Variants in JMJD1C observed in about 807,000 individuals in gnomAD.
The protein encoded by JMJD1C is jumonji domain containing 1C.
A neutral mutation model predicts 245.3 loss-of-function variants in JMJD1C; 31 were observed. The ratio of observed to expected loss-of-function variants is 0.13; its 90% CI spans 0.09 to 0.17. The LOEUF is 0.17. JMJD1C is among the 10% of genes least tolerant of loss of function. The pLI, the probability that JMJD1C is intolerant of heterozygous loss-of-function variation, is 1.00. For missense variants in JMJD1C, 2,691 were observed against 3,000.2 expected (o/e 0.90, Z 2.41); for synonymous variants, 1,057 against 1,017.4 (o/e 1.04, Z -0.74).
chr10:63,443,467 C>T (rs761470289), intron 1 of JMJD1C, among the ~76,000 whole-genome samples: 3 of 152,076 alleles, frequency 2.0e-5, no homozygotes, highest in Non-Finnish European at 2.9e-5. Context: ...TGAGCCACCG[C>T]ACCCCGCTAA....
intron 5 of JMJD1C, among the ~76,000 whole-genome samples, chr10:63,216,334 AAAC>A (rs1389969662): frequency 6.6e-6 from 1 of 152,176 alleles, no homozygotes; most frequent in Non-Finnish European, 1.5e-5. Context: ...TTTTCTACAT[AAAC>A]AACAGCTTTA....
chr10:63,186,342 G>A lies in JMJD1C; in HGVS notation c.6612C>T (p.Ser2204=). 1 of 1,613,240 alleles carries A rather than the reference G, an allele frequency of 6.2e-7. No homozygotes were observed. Among genetic ancestry groups the A allele is most frequent in the Non-Finnish European group, 8.5e-7 (1 of 1,179,614 alleles). Residue 2204 remains serine, a synonymous_variant, in exon 19 of 26, where the codon AGC becomes AGT. Coordinates refer to ENST00000399262, the MANE Select transcript of JMJD1C (RefSeq NM_032776.3). ...VSGVHKKMNI[S]LWKAESISLD... ...GACTAATTGATTCCGCCTTCCATAG[G>A]CTAATGTTCATTTTCTTATGCACAC...
chr10:63,397,211 T>C (rs969431302), intron 1 of JMJD1C, among the ~76,000 whole-genome samples: 45 of 152,026 alleles, frequency 3.0e-4, no homozygotes, highest in Non-Finnish European at 5.1e-4. Flanking sequence ...AACTGATCTT[T>C]ATTTTATTTT....
At chr10:63,205,095 T>G in intron 10 of JMJD1C, 4 of 812,692 alleles carry the variant, frequency 4.9e-6, no homozygotes, top group Non-Finnish European at 5.9e-6. Context: ...AGAAACACTT[T>G]ATAGTGAATA....
At chr10:63,388,280 G>A (rs77031719) in intron 1 of JMJD1C, among the ~76,000 whole-genome samples, 5,617 of 151,530 alleles carry the variant, frequency 0.037, 334 homozygotes, top group East Asian at 0.29. Context: ...TCAGACTAAC[G>A]GCAGTTTCTC....
chr10:63,323,507 A>C (rs1258840835), intron 2 of JMJD1C, among the ~76,000 whole-genome samples: 1 of 152,198 alleles, frequency 6.6e-6, no homozygotes, highest in African/African-American at 2.4e-5. Flanking sequence ...GTGACAGAGC[A>C]AGACTGTTTC....
rs1842058358 is a variant in JMJD1C, at chr10:63,168,583, A to C, written c.7402-17T>G. 1 of 1,554,448 alleles carries C rather than the reference A, an allele frequency of 6.4e-7. No individual in the cohort carries two copies. ...ATTCTGAACCTATCCCCAAAAGAAA[A>C]ACCGTGAAATACAAGTTTTAGGAGG... On this transcript the variant is annotated splice_polypyrimidine_tract_variant and intron_variant, in intron 24 of 25. Transcript: ENST00000399262.
At chr10:63,268,824 C>T in intron 2 of JMJD1C, 1 of 985,732 alleles carries the variant, frequency 1.0e-6, no homozygotes, top group Non-Finnish European at 1.2e-6. Flanking sequence ...GCTCTCAAAC[C>T]AAGCATTTCT....
At chr10:63,482,651 A>AAG (rs3083162) in intron 1 of JMJD1C, among the ~76,000 whole-genome samples, 5,563 of 151,822 alleles carry the variant, frequency 0.037, 323 homozygotes, top group East Asian at 0.28. Flanking sequence ...AAAGAAAAAA[A>AAG]AGAGAGAGAG....
At chr10:63,241,630 A>G (rs1049091907) in intron 3 of JMJD1C, among the ~76,000 whole-genome samples, 2 of 152,028 alleles carry the variant, frequency 1.3e-5, no homozygotes, top group Non-Finnish European at 2.9e-5. Flanking sequence ...ATAGTATGTT[A>G]TTTTTTCAAT....
chr10:63,400,256 C>CT (rs562309675), intron 1 of JMJD1C, among the ~76,000 whole-genome samples: 62 of 152,258 alleles, frequency 4.1e-4, no homozygotes, highest in African/African-American at 1.5e-3. Context: ...GCCATTCTAT[C>CT]TTTAAGGCAT....
intron 1 of JMJD1C, among the ~76,000 whole-genome samples, chr10:63,444,424 C>T (rs539589060): frequency 1.3e-5 from 2 of 152,006 alleles, no homozygotes; most frequent in Admixed American, 1.3e-4. Context: ...CAGGCGCATG[C>T]CACCACACCC....
At chr10:63,325,224 T>C (rs1330083865) in intron 2 of JMJD1C, among the ~76,000 whole-genome samples, 1 of 152,312 alleles carries the variant, frequency 6.6e-6, no homozygotes, top group African/African-American at 2.4e-5. Flanking sequence ...ATACAAACTT[T>C]TCCTTAGGAA....
intron 2 of JMJD1C, among the ~76,000 whole-genome samples, chr10:63,342,153 T>C (rs1418743843): frequency 2.0e-5 from 3 of 152,248 alleles, no homozygotes; most frequent in Non-Finnish European, 4.4e-5. Flanking sequence ...ACACTGATAA[T>C]GATATTCCAA....
At chr10:63,398,078 G>C (rs916631968) in intron 1 of JMJD1C, among the ~76,000 whole-genome samples, 2 of 152,130 alleles carry the variant, frequency 1.3e-5, no homozygotes, top group Non-Finnish European at 2.9e-5. Context: ...GGCAAACCTT[G>C]TGTTAACTGA....
intron 1 of JMJD1C, among the ~76,000 whole-genome samples, chr10:63,476,201 T>C (rs1479153965): frequency 6.7e-6 from 1 of 148,480 alleles, no homozygotes; most frequent in Non-Finnish European, 1.5e-5. Flanking sequence ...CAGAATGAGA[T>C]TTTGTCTAAA....
intron 1 of JMJD1C, among the ~76,000 whole-genome samples, chr10:63,381,763 T>C (rs1389688844): frequency 6.6e-6 from 1 of 152,172 alleles, no homozygotes; most frequent in Non-Finnish European, 1.5e-5. Context: ...ATTATACCCC[T>C]TAGTTATGAC....
intron 2 of JMJD1C, chr10:63,269,124 G>GCCAT: frequency 5.1e-6 from 5 of 985,406 alleles, no homozygotes; most frequent in Non-Finnish European, 6.0e-6. Context: ...AAAGAGAACA[G>GCCAT]CCATCCATCA....
chr10:63,337,252 G>C (rs1214075466), intron 2 of JMJD1C, among the ~76,000 whole-genome samples: 1 of 150,830 alleles, frequency 6.6e-6, no homozygotes, highest in Non-Finnish European at 1.5e-5. Context: ...GACCAGCCTG[G>C]TCAATATGGT....
Sources: allele counts gnomAD v4.1 joint callset (sites outside exome capture counted in the v4.1 genomes callset), GRCh38; gene constraint gnomAD v4.1.1; transcripts MANE v1.5; gene names NCBI Gene and HGNC (gene_info 2026-07-23, HGNC 2026-07-21).